The following NUMB variants were observed in gnomAD, a reference collection of about 807,000 sequenced individuals.
NUMB encodes the protein NUMB endocytic adaptor protein.
In NUMB, 29 loss-of-function variants were observed where a neutral mutation model predicts 59.7. The observed-to-expected ratio is 0.49, with a 90% CI of 0.36 to 0.66. The LOEUF is 0.66. NUMB is among the 30% of genes least tolerant of loss of function. The pLI, the probability that NUMB is intolerant of heterozygous loss-of-function variation, is 0.00. For synonymous variants in NUMB, 288 were observed against 288.2 expected (o/e 1.00, Z 0.01); for missense variants, 723 against 822.0 (o/e 0.88, Z 1.47).
chr14:73,352,530 GTTTTTT>G (rs71112735), intron 4 of NUMB, among the ~76,000 whole-genome samples: 2 of 20,282 alleles, frequency 9.9e-5, no homozygotes, highest in African/African-American at 1.7e-4. Context: ...ATATATATAT[GTTTTTT>G]TTTTTTTTTT....
At chr14:73,354,968 T>C (rs1227349878) in intron 4 of NUMB, among the ~76,000 whole-genome samples, 3 of 152,152 alleles carry the variant, frequency 2.0e-5, no homozygotes, top group Non-Finnish European at 4.4e-5. Context: ...TTAATACATC[T>C]CACACTGTGA....
chr14:73,455,154 G>C (rs1053442794), intron 1 of NUMB, among the ~76,000 whole-genome samples: 6 of 152,034 alleles, frequency 3.9e-5, no homozygotes, highest in African/African-American at 1.4e-4. Context: ...AATTATTTTT[G>C]AGAGAGAAAA....
At position 73,350,616 on chromosome 14, in the gene NUMB, T is replaced by C. The variant is rs117928981; in HGVS notation, c.126+5010A>G. On this transcript the variant is annotated intron_variant, in intron 4 of 12. Coordinates refer to ENST00000555238, the MANE Select transcript of NUMB (RefSeq NM_001005743.2). ...AGGCTGGAGTGCAGTGGTGCAATCATGGCTCACTGGGCTCAAGTGACCTTC... is the reference window on the plus strand; with the variant it reads ...AGGCTGGAGTGCAGTGGTGCAATCACGGCTCACTGGGCTCAAGTGACCTTC... 6.7e-3 allele frequency among the ~76,000 whole-genome samples: 1,013 copies of C among 151,670 alleles called. 5 individuals are homozygous for C. The highest frequency in any genetic ancestry group is 0.029 in the South Asian group (140 of 4,800).
chr14:73,323,285 A>C, intron 4 of NUMB, 81 bp from the exon 5 acceptor site: 1 of 934,842 alleles, frequency 1.1e-6, no homozygotes, highest in Non-Finnish European at 1.7e-6. Context: ...TGAAAATTGA[A>C]TACAGGTTGA....
At chr14:73,386,904 G>T (rs1211929435) in intron 2 of NUMB, among the ~76,000 whole-genome samples, 2 of 74,400 alleles carry the variant, frequency 2.7e-5, no homozygotes, top group Admixed American at 4.7e-4. Context: ...TTTTTGAGAC[G>T]GAGTCTCGCT....
intron 11 of NUMB, among the ~76,000 whole-genome samples, chr14:73,279,682 TG>T (rs1429320498): frequency 1.3e-5 from 2 of 151,998 alleles, no homozygotes; most frequent in African/African-American, 4.8e-5. Flanking sequence ...GCATGGGGAG[TG>T]GGGAAATGAA....
chr14:73,285,081 C>T (rs1040509157), intron 9 of NUMB: 3 of 152,216 alleles, frequency 2.0e-5, no homozygotes, highest in African/African-American at 7.2e-5. Flanking sequence ...CTCCTGACCT[C>T]AGGTGATCCA....
intron 1 of NUMB, among the ~76,000 whole-genome samples, chr14:73,432,734 G>GGTAT (rs1897886378): frequency 6.6e-6 from 1 of 152,104 alleles, no homozygotes; most frequent in South Asian, 2.1e-4. Flanking sequence ...AGACACAAAA[G>GGTAT]GTATGGTGAA....
chr14:73,301,274 T>C (rs1890113870), intron 6 of NUMB, among the ~76,000 whole-genome samples: 2 of 152,236 alleles, frequency 1.3e-5, no homozygotes, highest in African/African-American at 4.8e-5. Context: ...CTGCTCATTG[T>C]ATAATTGTAG....
chr14:73,453,578 T>C (rs1884140740), intron 1 of NUMB, among the ~76,000 whole-genome samples: 1 of 152,154 alleles, frequency 6.6e-6, no homozygotes, highest in Non-Finnish European at 1.5e-5. Flanking sequence ...TAATAAAATT[T>C]ATAATATGTT....
chr14:73,315,757 G>A (rs577915560), intron 6 of NUMB, among the ~76,000 whole-genome samples: 1 of 152,194 alleles, frequency 6.6e-6, no homozygotes, highest in East Asian at 1.9e-4. Flanking sequence ...TGGGCATTAT[G>A]TAAAATCCAC....
At chr14:73,347,480 T>C (rs1892977202) in intron 4 of NUMB, among the ~76,000 whole-genome samples, 1 of 151,866 alleles carries the variant, frequency 6.6e-6, no homozygotes, top group Admixed American at 6.6e-5. Flanking sequence ...ATACAACATT[T>C]TCAGACAAGC....
intron 12 of NUMB, 143 bp downstream of exon 12, chr14:73,279,138 T>A (rs1888426513): frequency 2.3e-6 from 2 of 863,648 alleles, no homozygotes; most frequent in Non-Finnish European, 3.7e-6. Context: ...TCCTTTCTTA[T>A]GTAAGCAACT....
chr14:73,392,718 A>G (rs1882467243), intron 2 of NUMB, among the ~76,000 whole-genome samples: 1 of 152,178 alleles, frequency 6.6e-6, no homozygotes, highest in Non-Finnish European at 1.5e-5. Context: ...TCTTCCATTC[A>G]CTGATTCTCT....
intron 2 of NUMB, among the ~76,000 whole-genome samples, chr14:73,389,338 T>C (rs186845249): frequency 1.8e-4 from 27 of 151,422 alleles, no homozygotes; most frequent in Non-Finnish European, 1.5e-5. Flanking sequence ...ATCTTCTCTT[T>C]ATTTATTTTT....
intron 2 of NUMB, among the ~76,000 whole-genome samples, chr14:73,390,539 C>A (rs991048899): frequency 4.0e-5 from 6 of 151,822 alleles, no homozygotes; most frequent in South Asian, 2.1e-4. Context: ...ATGTTCCCCC[C>A]ACTGTTTCCC....
intron 2 of NUMB, among the ~76,000 whole-genome samples, chr14:73,372,010 T>G (rs1341689121): frequency 6.6e-6 from 1 of 151,842 alleles, no homozygotes; most frequent in Non-Finnish European, 1.5e-5. Flanking sequence ...CGTGGGAGGA[T>G]CACTTGAGGT....
chr14:73,372,315 A>ATATATATATATAACCTTT (rs1426422707), intron 2 of NUMB, among the ~76,000 whole-genome samples: 12 of 105,370 alleles, frequency 1.1e-4, no homozygotes, highest in African/African-American at 4.2e-4. Flanking sequence ...TTATATATAT[A>ATATATATATATAACCTTT]TATATATATA....
chr14:73,293,921 G>A (rs751283795), intron 7 of NUMB, among the ~76,000 whole-genome samples: 4 of 152,136 alleles, frequency 2.6e-5, no homozygotes, highest in African/African-American at 9.7e-5. Context: ...TTTATTTCTT[G>A]GTCAAATAGT....
Sources: gnomAD v4.1 joint callset for allele counts (sites outside exome capture counted in the v4.1 genomes callset) on GRCh38, gnomAD v4.1.1 for gene constraint, MANE v1.5 for transcripts, NCBI Gene and HGNC (gene_info 2026-07-23, HGNC 2026-07-21) for gene names.